Variants in LPCAT2 observed in about 807,000 individuals in gnomAD.
LPCAT2 encodes the protein 1-AGP acyltransferase 11.
A neutral mutation model predicts 64.7 loss-of-function variants in LPCAT2; 58 were observed. The ratio of observed to expected loss-of-function variants is 0.90; its 90% confidence interval spans 0.73 to 1.12. The LOEUF (loss-of-function observed/expected upper bound fraction) is 1.12. Among genes scored for constraint, LPCAT2 ranks in the 50% most tolerant of loss-of-function variants. LPCAT2 has a pLI of 0.00. For missense variants in LPCAT2, 579 were observed against 669.8 expected (o/e 0.86, Z 1.50); for synonymous variants, 252 against 245.3 (o/e 1.03, Z -0.26).
rs779948568 is a variant in LPCAT2 at position 55,550,955 on chromosome 16, T to C, written c.1068T>C (p.Asp356=). The C allele has an allele frequency of 6.3e-6, 10 of 1,596,724 alleles. No homozygotes were observed. The South Asian group carries it at 1.1e-4, about 18-fold the overall frequency. The part of the protein sequence containing the change: ...FTKISRKLKL[D]WDGVRKHLDE... Reference sequence around the variant, plus strand: ...TAATTCTTTGTTTGTTTAGATTAGATTGGGATGGTGTTCGTAAGCATTTGG... The same window carrying C: ...TAATTCTTTGTTTGTTTAGATTAGACTGGGATGGTGTTCGTAAGCATTTGG... Residue 356 remains aspartate, a synonymous_variant, in exon 11 of 14, where the codon GAT becomes GAC. Transcript: ENST00000262134.
In LPCAT2 at chr16:55,529,939, T is replaced by C. The variant is rs1265989997; in HGVS notation, c.634T>C (p.Trp212Arg). 6.2e-7 allele frequency: 1 copy of C among 1,607,534 alleles called. No homozygotes were observed. The highest frequency in any genetic ancestry group is 8.5e-7 in the Non-Finnish European group (1 of 1,176,632). ...AAAGCGAACAACATCAGGAGGAGAA[T>C]GGCCCCAGGTAAAACATGGTAGATG... ...IIKRTTSGGEWPQILVFPEGT... is the reference protein window; with the variant it reads ...IIKRTTSGGERPQILVFPEGT... The change falls in exon 4 of 14, where the codon TGG (tryptophan) becomes CGG (arginine). Residue 212 changes from tryptophan to arginine, a missense_variant. By Grantham distance (101) the Trp-to-Arg change is moderately radical. Transcript: ENST00000262134.
chr16:55,530,942 G>A lies in LPCAT2; in HGVS notation c.643-972G>A, dbSNP rs573506273. Reference sequence around the variant, plus strand: ...TATTGTAGAAAGAAATCAAGCATTAGATATGCTAGGTGACTTTTAATGGCC... The same window carrying A: ...TATTGTAGAAAGAAATCAAGCATTAAATATGCTAGGTGACTTTTAATGGCC... On this transcript the variant is annotated intron_variant, in intron 4 of 13. Transcript: ENST00000262134. 2.0e-5 allele frequency among the ~76,000 whole-genome samples: 3 copies of A among 152,232 alleles called. No individual in the cohort carries two copies. In the South Asian group the frequency reaches 6.2e-4, roughly 32 times the overall value.
intron 6 of LPCAT2, 29 bp downstream of exon 6, chr16:55,532,911 A>ATTTCAGTAAT (rs1283717566): frequency 1.3e-6 from 2 of 1,573,778 alleles, no homozygotes; most frequent in Non-Finnish European, 1.7e-6. Context: ...CACAGGAAGA[A>ATTTCAGTAAT]TTTCAGTATT....
Position 55,528,610 on chromosome 16 carries a change from GT to G in LPCAT2, c.529+17del. The G allele has an allele frequency of 6.4e-7, 1 of 1,554,510 alleles. No homozygotes were observed. Among genetic ancestry groups the G allele is most frequent in the Non-Finnish European group, 8.9e-7 (1 of 1,127,938 alleles). The stretch of plus-strand genomic sequence containing the variant: ...CTGATTGGCAGTAAGTACTTGTAAG[GT>G]AACGTAGATAAAATATTTTCATGCT... On this transcript the variant is annotated intron_variant, in intron 3 of 13. Transcript: ENST00000262134.
intron 11 of LPCAT2, among the ~76,000 whole-genome samples, chr16:55,573,723 T>A (rs1232914401): frequency 1.3e-5 from 2 of 152,082 alleles, no homozygotes; most frequent in Non-Finnish European, 2.9e-5. Context: ...CCTCCACCTC[T>A]TTATCTTTTT....
At chr16:55,570,381 G>C (rs1463468581) in intron 11 of LPCAT2, among the ~76,000 whole-genome samples, 2 of 152,088 alleles carry the variant, frequency 1.3e-5, no homozygotes, top group Admixed American at 6.5e-5. Context: ...TTAGCACTTT[G>C]GGAGGCTGAG....
intron 12 of LPCAT2, among the ~76,000 whole-genome samples, chr16:55,575,647 G>A (rs1567407380): frequency 1.3e-5 from 2 of 152,162 alleles, no homozygotes; most frequent in African/African-American, 4.8e-5. Context: ...GCAATTCCAA[G>A]AAGGCTTTCC....
At chr16:55,525,676 G>T in intron 2 of LPCAT2, 29 bp downstream of exon 2, 2 of 1,546,330 alleles carry the variant, frequency 1.3e-6, no homozygotes, top group Non-Finnish European at 1.8e-6. Context: ...CAAAATATTA[G>T]GACATAATAT....
intron 12 of LPCAT2, among the ~76,000 whole-genome samples, chr16:55,577,973 G>A (rs73551793): frequency 0.011 from 1,602 of 151,920 alleles, 19 homozygotes; most frequent in African/African-American, 0.026. Flanking sequence ...TCCAACAAAC[G>A]GTTTTGCTTC....
chr16:55,509,454 G>C, intron 1 of LPCAT2, 102 bp downstream of exon 1: 3 of 1,201,456 alleles, frequency 2.5e-6, no homozygotes, highest in Admixed American at 3.8e-5. Flanking sequence ...GGCGGCCGAG[G>C]GGGGCGTGGG....
intron 10 of LPCAT2, 101 bp from the exon 11 acceptor site, chr16:55,550,848 A>G: frequency 1.0e-6 from 1 of 999,708 alleles, no homozygotes; most frequent in Non-Finnish European, 1.4e-6. Flanking sequence ...AACACTTAAA[A>G]TATTTTTCTC....
intron 11 of LPCAT2, among the ~76,000 whole-genome samples, chr16:55,564,013 G>C (rs1963664934): frequency 6.6e-6 from 1 of 151,746 alleles, no homozygotes; most frequent in Admixed American, 6.6e-5. Flanking sequence ...AATGTTACAG[G>C]ATATGAATCA....
intron 9 of LPCAT2, among the ~76,000 whole-genome samples, chr16:55,546,616 T>G (rs1325007327): frequency 6.6e-6 from 1 of 152,252 alleles, no homozygotes; most frequent in African/African-American, 2.4e-5. Flanking sequence ...TGTATGTGTC[T>G]CTATAAGTAT....
At chr16:55,510,441 T>C (rs1962915104) in intron 1 of LPCAT2, among the ~76,000 whole-genome samples, 1 of 114,702 alleles carries the variant, frequency 8.7e-6, no homozygotes, top group African/African-American at 3.4e-5. Context: ...GTCCGTGTGT[T>C]CTGCGGGGGT....
intron 11 of LPCAT2, among the ~76,000 whole-genome samples, chr16:55,567,868 G>A (rs1207311523): frequency 6.6e-6 from 1 of 152,070 alleles, no homozygotes; most frequent in Non-Finnish European, 1.5e-5. Context: ...TGTTAAGAAT[G>A]AATTTTTTTA....
intron 8 of LPCAT2, chr16:55,541,829 C>T (rs1963400760): frequency 7.8e-7 from 1 of 1,280,194 alleles, no homozygotes; most frequent in Non-Finnish European, 1.0e-6. Flanking sequence ...TACTTTCTGT[C>T]TCATCTAGAT....
chr16:55,511,648 A>C (rs947740441), intron 1 of LPCAT2, among the ~76,000 whole-genome samples: 4 of 152,336 alleles, frequency 2.6e-5, no homozygotes, highest in Admixed American at 2.0e-4. Context: ...TGGAAATATG[A>C]TGAATTCTCT....
At chr16:55,513,114 A>G (rs1342897742) in intron 1 of LPCAT2, among the ~76,000 whole-genome samples, 1 of 152,246 alleles carries the variant, frequency 6.6e-6, no homozygotes, top group Non-Finnish European at 1.5e-5. Flanking sequence ...CCTGTGATCA[A>G]AAGAAAAATC....
chr16:55,551,161 A>G, intron 11 of LPCAT2, 59 bp downstream of exon 11: 2 of 1,437,774 alleles, frequency 1.4e-6, no homozygotes, highest in Non-Finnish European at 1.9e-6. Context: ...TGAGTAAATC[A>G]ATATGGTAGG....
Sources: allele counts gnomAD v4.1 joint callset (sites outside exome capture counted in the v4.1 genomes callset), GRCh38; gene constraint gnomAD v4.1.1; transcripts MANE v1.5; gene names NCBI Gene and HGNC (gene_info 2026-07-23, HGNC 2026-07-21).